LMX1B: variants seen among roughly 807,000 people sequenced by gnomAD.
The protein encoded by LMX1B is LIM homeobox transcription factor 1-beta.
Under a neutral mutation model 51.4 loss-of-function variants are expected in LMX1B, and 12 were observed. The ratio of observed to expected loss-of-function variants is 0.23; its 90% confidence interval spans 0.15 to 0.38. LMX1B has a LOEUF of 0.38. LMX1B is among the 10% of genes least tolerant of loss of function. LMX1B has a pLI of 1.00. For missense variants in LMX1B, 445 were observed against 571.1 expected (o/e 0.78, Z 2.25); for synonymous variants, 237 against 235.4 (o/e 1.01, Z -0.06).
At chr9:126,670,296 G>A (rs1444336861) in intron 2 of LMX1B, among the ~76,000 whole-genome samples, 1 of 152,250 alleles carries the variant, frequency 6.6e-6, no homozygotes, top group Non-Finnish European at 1.5e-5. Context: ...GGACACGTGT[G>A]CATGTGCATG....
chr9:126,696,016 A>ACCGGGGGG lies in LMX1B; in HGVS notation c.1051+15_1051+16insGGGGGGCC. On this transcript the variant is annotated intron_variant, in intron 7 of 7. Transcript: ENST00000373474. Reference sequence around the variant, plus strand: ...ATGAACCCCTATGGTAAGCCGCCCTACCCCCACCCGCCCGCCCCAGCACAG... The same window carrying ACCGGGGGG: ...ATGAACCCCTATGGTAAGCCGCCCTACCGGGGGGCCCCCACCCGCCCGCCCCAGCACAG... The ACCGGGGGG allele has an allele frequency of 6.6e-7, 1 of 1,512,682 alleles. No homozygotes were observed. Among genetic ancestry groups the ACCGGGGGG allele is most frequent in the Non-Finnish European group, 8.8e-7 (1 of 1,131,782 alleles). The allele number at this position is 1,512,682 out of a possible 1,614,324, so 93.7% of individuals were successfully genotyped here.
chr9:126,656,017 T>TG (rs2118911304), intron 2 of LMX1B, among the ~76,000 whole-genome samples: 2 of 152,242 alleles, frequency 1.3e-5, no homozygotes, highest in African/African-American at 4.8e-5. Context: ...GTATGTCAAA[T>TG]GCCCAGGCCA....
intron 2 of LMX1B, among the ~76,000 whole-genome samples, chr9:126,676,383 G>T (rs990370216): frequency 6.6e-6 from 1 of 152,068 alleles, no homozygotes; most frequent in Non-Finnish European, 1.5e-5. Context: ...TGGCTTGTTC[G>T]CTGCTGTCCC....
At chr9:126,633,169 G>A (rs1488212931) in intron 2 of LMX1B, among the ~76,000 whole-genome samples, 1 of 152,124 alleles carries the variant, frequency 6.6e-6, no homozygotes. Context: ...CCCCACCCCC[G>A]TCCTCCAGGC....
At chr9:126,646,353 TACCCATCC>T (rs1449588408) in intron 2 of LMX1B, among the ~76,000 whole-genome samples, 5 of 147,690 alleles carry the variant, frequency 3.4e-5, no homozygotes, top group Non-Finnish European at 5.9e-5. Flanking sequence ...TCCATCTACC[TACCCATCC>T]ACCCATCTAT....
chr9:126,678,662 T>A (rs1836617703), intron 2 of LMX1B, among the ~76,000 whole-genome samples: 1 of 152,172 alleles, frequency 6.6e-6, no homozygotes, highest in Non-Finnish European at 1.5e-5. Context: ...CTGACAACGG[T>A]GACACGACCA....
intron 2 of LMX1B, among the ~76,000 whole-genome samples, chr9:126,659,295 C>T (rs751858388): frequency 2.4e-4 from 36 of 152,358 alleles, no homozygotes; most frequent in Non-Finnish European, 4.6e-4. Flanking sequence ...AGAACGTGTC[C>T]AGGGGCACTG....
At chr9:126,694,871 G>A (rs1366386616) in intron 6 of LMX1B, among the ~76,000 whole-genome samples, 3 of 152,098 alleles carry the variant, frequency 2.0e-5, no homozygotes, top group Admixed American at 6.5e-5. Context: ...GCCTCCCTGA[G>A]AAGGTCCCAC....
intron 2 of LMX1B, among the ~76,000 whole-genome samples, chr9:126,682,816 A>AC (rs970168325): frequency 8.1e-5 from 12 of 147,264 alleles, no homozygotes; most frequent in African/African-American, 2.8e-4. Flanking sequence ...AATCGCTTGA[A>AC]CCCAGGAGGC....
chr9:126,647,797 C>T (rs1256281382), intron 2 of LMX1B, among the ~76,000 whole-genome samples: 2 of 152,232 alleles, frequency 1.3e-5, no homozygotes, highest in Non-Finnish European at 2.9e-5. Context: ...GGCCCAACTC[C>T]GCAAGCCCAC....
chr9:126,672,356 G>T (rs1836474120), intron 2 of LMX1B, among the ~76,000 whole-genome samples: 1 of 152,252 alleles, frequency 6.6e-6, no homozygotes, highest in South Asian at 2.1e-4. Flanking sequence ...GGTGAAGCAG[G>T]GTTTGTGCCC....
intron 2 of LMX1B, among the ~76,000 whole-genome samples, chr9:126,622,820 A>G (rs546500369): frequency 6.6e-6 from 1 of 152,340 alleles, no homozygotes; most frequent in African/African-American, 2.4e-5. Flanking sequence ...GCTTGTTGGC[A>G]GTTACAGAAT....
At chr9:126,661,750 G>A (rs1215563600) in intron 2 of LMX1B, among the ~76,000 whole-genome samples, 1 of 152,098 alleles carries the variant, frequency 6.6e-6, no homozygotes, top group Non-Finnish European at 1.5e-5. Context: ...CAGTGGGAGG[G>A]GCTTGGCCTG....
At chr9:126,683,200 G>C (rs964584611) in intron 2 of LMX1B, among the ~76,000 whole-genome samples, 2 of 150,952 alleles carry the variant, frequency 1.3e-5, no homozygotes, top group Admixed American at 1.3e-4. Flanking sequence ...CGGGAGGCTG[G>C]GAGAGGCCCC....
intron 2 of LMX1B, among the ~76,000 whole-genome samples, chr9:126,645,720 C>A (rs1187864910): frequency 6.6e-6 from 1 of 152,172 alleles, no homozygotes. Flanking sequence ...TCTGGAGAAC[C>A]ATTCCAGGAG....
intron 2 of LMX1B, among the ~76,000 whole-genome samples, chr9:126,666,391 A>C (rs900880943): frequency 6.6e-6 from 1 of 152,204 alleles, no homozygotes; most frequent in Non-Finnish European, 1.5e-5. Flanking sequence ...CAGCTGAGCC[A>C]GGTGACAGAG....
rs1011703982 is a variant in LMX1B at position 126,695,275 on chromosome 9, G to A, written c.887-564G>A. Among the ~76,000 whole-genome samples the A allele has an allele frequency of 1.3e-5, 2 of 152,048 alleles. No individual in the cohort carries two copies. The highest frequency in any genetic ancestry group is 4.8e-5 in the African/African-American group (2 of 41,398). ...CCCCCACCCAGCTCGGCACCCCAGG[G>A]CTCCCCATGACCTGTGGTCCCTCTC... On this transcript the variant is annotated intron_variant, in intron 6 of 7. Coordinates refer to ENST00000373474, the MANE Select transcript of LMX1B (RefSeq NM_001174147.2). This position sits in a 1 kb window ranked among gnomAD's most constrained non-coding sequence, Gnocchi z 5.2.
rs2030494575 is a variant in LMX1B at position 126,700,266 on chromosome 9, ATC to A, written c.*3817_*3818del. ...AGGGGGTTGGTGCACGTGGCTGGGC[ATC>A]TTAGGAGGCTTCCTGAGGGTGGGTA... On this transcript the variant is annotated 3_prime_UTR_variant, in exon 8 of 8. Coordinates refer to ENST00000373474, the MANE Select transcript of LMX1B (RefSeq NM_001174147.2). 6.6e-6 allele frequency: 1 copy of A among 152,230 alleles called. No homozygotes were observed. Among genetic ancestry groups the A allele is most frequent in the Non-Finnish European group, 1.5e-5 (1 of 68,088 alleles). 9.4% of individuals were successfully genotyped at this position (152,230 alleles called of 1,614,324 possible).
rs532531403 is a variant in LMX1B at position 126,614,598 on chromosome 9, G to C, written c.139+10G>C. 1.9e-6 allele frequency: 3 copies of C among 1,578,056 alleles called. No individual in the cohort carries two copies. The highest frequency in any genetic ancestry group is 4.7e-5 in the East Asian group (2 of 42,948). On this transcript the variant is annotated intron_variant, in intron 1 of 7. Transcript: ENST00000373474. ...CTGGGGGTGCTGCTGGGTGAGTGCG[G>C]GGTCGGAACGCCCGAGTGGTCTCGG...
Sources: allele counts gnomAD v4.1 joint callset (sites outside exome capture counted in the v4.1 genomes callset), GRCh38; gene constraint gnomAD v4.1.1; non-coding constraint Gnocchi (gnomAD v3.1); transcripts MANE v1.5; gene names NCBI Gene and HGNC (gene_info 2026-07-23, HGNC 2026-07-21).